NGEF: variants seen among roughly 807,000 people sequenced by gnomAD.
NGEF encodes the protein ephexin-1.
Under a neutral mutation model 80.9 loss-of-function variants are expected in NGEF, and 31 were observed. That is an observed-to-expected ratio of 0.38 (90% CI 0.29 to 0.52). NGEF has a LOEUF of 0.52. NGEF is among the 20% of genes least tolerant of loss of function. The pLI is 0.84. For missense variants in NGEF, 709 were observed against 926.2 expected (o/e 0.77, Z 3.04); for synonymous variants, 371 against 370.2 (o/e 1.00, Z -0.03).
intron 2 of NGEF, among the ~76,000 whole-genome samples, chr2:232,973,723 T>C (rs1487254965): frequency 2.0e-5 from 3 of 152,290 alleles, no homozygotes; most frequent in Non-Finnish European, 2.9e-5. Flanking sequence ...ACCAGCTGAC[T>C]GCAGAGGTTA....
chr2:233,000,770 A>C (rs868096211), intron 1 of NGEF, among the ~76,000 whole-genome samples: 10 of 151,698 alleles, frequency 6.6e-5, no homozygotes, highest in South Asian at 4.2e-4. Flanking sequence ...AAAAAAAAAA[A>C]AAAACGAAAA....
intron 1 of NGEF, among the ~76,000 whole-genome samples, chr2:233,012,033 G>A (rs983086106): frequency 6.6e-6 from 1 of 152,114 alleles, no homozygotes; most frequent in African/African-American, 2.4e-5. Context: ...CAGTGCCAAG[G>A]GGCAGCCTGA....
intron 5 of NGEF, among the ~76,000 whole-genome samples, chr2:232,903,326 T>C (rs914094024): frequency 1.3e-5 from 2 of 152,140 alleles, no homozygotes; most frequent in Non-Finnish European, 2.9e-5. Flanking sequence ...TTATGGAACA[T>C]CTAAACAGTG....
chr2:233,010,569 C>T (rs1197149510), intron 1 of NGEF, among the ~76,000 whole-genome samples: 1 of 149,092 alleles, frequency 6.7e-6, no homozygotes, highest in Non-Finnish European at 1.5e-5. Flanking sequence ...CTCATTTGAA[C>T]GTGTGATTTT....
Position 232,987,300 on chromosome 2 carries a change from T to G in NGEF, c.-74-12336A>C, listed in dbSNP as rs140921505. Among the ~76,000 whole-genome samples, 350 of 152,166 alleles carry G rather than the reference T, an allele frequency of 2.3e-3. 4 individuals are homozygous for G. Among genetic ancestry groups the G allele is most frequent in the East Asian group, 0.021 (108 of 5,166 alleles). ...CCCAAAGTGCTGAGATTACAGGCAT[T>G]AGACACCGTGCCTGGCCAGAGCAGG... On this transcript the variant is annotated intron_variant, in intron 1 of 14. Coordinates refer to ENST00000264051, the MANE Select transcript of NGEF (RefSeq NM_019850.3).
chr2:232,887,508 G>A (rs1440937148), intron 9 of NGEF, among the ~76,000 whole-genome samples: 3 of 152,198 alleles, frequency 2.0e-5, no homozygotes, highest in Non-Finnish European at 4.4e-5. Context: ...TGGGAGAGTG[G>A]CGTGGAGGGC....
intron 5 of NGEF, among the ~76,000 whole-genome samples, chr2:232,910,325 C>T (rs1378408161): frequency 6.6e-6 from 1 of 152,110 alleles, no homozygotes; most frequent in Non-Finnish European, 1.5e-5. Flanking sequence ...AAGGAGCGCA[C>T]AACCTAGATC....
In NGEF at chr2:232,883,407, T is replaced by C; in HGVS notation, c.1661A>G (p.Glu554Gly). ...PRGLLRVEELEDQGQTLANVF... is the reference protein window; with the variant it reads ...PRGLLRVEELGDQGQTLANVF... Reference sequence around the variant, plus strand: ...GTTGGCCAGCGTCTGGCCCTGGTCCTCCAGCTCCTCCACACGCAGCAGTCC... The same window carrying C: ...GTTGGCCAGCGTCTGGCCCTGGTCCCCCAGCTCCTCCACACGCAGCAGTCC... Residue 554 changes from glutamate (E) to glycine (G), a missense_variant, in exon 12 of 15, where the codon GAG becomes GGG. This residue lies in a region of NGEF where 426 missense variants were observed against 622.9 expected (regional missense o/e 0.68). Transcript: ENST00000264051. 1 of 1,611,242 alleles carries C rather than the reference T, an allele frequency of 6.2e-7. No individual in the cohort carries two copies. The highest frequency in any genetic ancestry group is 8.5e-7 in the Non-Finnish European group (1 of 1,178,924).
chr2:232,977,820 A>T (rs570282495), intron 1 of NGEF, among the ~76,000 whole-genome samples: 2 of 152,322 alleles, frequency 1.3e-5, no homozygotes, highest in East Asian at 3.9e-4. Context: ...GATGGCACAC[A>T]GGTGAGTACC....
intron 3 of NGEF, among the ~76,000 whole-genome samples, chr2:232,943,526 C>G (rs1018072014): frequency 3.5e-5 from 5 of 142,530 alleles, no homozygotes; most frequent in Non-Finnish European, 7.6e-5. Context: ...GACGGAGTCT[C>G]ACTCTGTCGC....
At chr2:232,920,195 A>G in intron 5 of NGEF, 89 bp downstream of exon 5, 1 of 1,272,914 alleles carries the variant, frequency 7.9e-7, no homozygotes. Flanking sequence ...CAGCCAGGGA[A>G]CCTCACCCCC....
intron 9 of NGEF, among the ~76,000 whole-genome samples, chr2:232,886,320 G>C (rs1423883486): frequency 1.3e-5 from 2 of 151,668 alleles, no homozygotes; most frequent in Admixed American, 1.3e-4. Context: ...GGTATGTGCT[G>C]TGTGTGTGTG....
rs368019241 is a variant in NGEF at position 232,970,283 on chromosome 2, T to C, written c.314A>G (p.Asn105Ser). The C allele has an allele frequency of 4.4e-6, 7 of 1,605,416 alleles. No homozygotes were observed. The African/African-American group carries it at 9.4e-5, about 22-fold the overall frequency. ...AGGAGGCATTCTGCTCCAGGGGATA[T>C]TCAAGGTCAGGGGCTCATTTACAGA... ...GKSVNEPLTL[N>S]IPWSRMPPCR... The change falls in exon 3 of 15, where the codon AAT becomes AGT. Residue 105 changes from asparagine (N) to serine (S), a missense_variant. Physicochemically the swap from Asn to Ser is conservative, Grantham distance 46. Coordinates refer to ENST00000264051, the MANE Select transcript of NGEF (RefSeq NM_019850.3).
At chr2:232,957,834 C>T (rs530809118) in intron 3 of NGEF, among the ~76,000 whole-genome samples, 2 of 152,182 alleles carry the variant, frequency 1.3e-5, no homozygotes, top group African/African-American at 4.8e-5. Context: ...GCCCAGTCAT[C>T]TCTCCATGGA....
intron 1 of NGEF, among the ~76,000 whole-genome samples, chr2:233,011,022 A>G (rs73995791): frequency 0.032 from 4,898 of 152,172 alleles, 258 homozygotes; most frequent in African/African-American, 0.11. Flanking sequence ...AGGCTCAGAG[A>G]TGGAACCCCC....
rs771268988 is a variant in NGEF at position 232,879,521 on chromosome 2, G to A, written c.2101C>T (p.Arg701Cys). ...CGATTCCGGCTGCCCAGCTTCCTGC[G>A]GTCCTTGTTCTGGCTGCGCTGAGGG... The part of the protein sequence containing the change: ...DDPQRSQNKD[R>C]RKLGSRNRQ Residue 701 changes from arginine (R) to cysteine (C), a missense_variant, in exon 15 of 15, where the codon CGC becomes TGC. Transcript: ENST00000264051. 4 of 1,611,670 alleles carry A rather than the reference G, an allele frequency of 2.5e-6. No individual in the cohort carries two copies. The highest frequency in any genetic ancestry group is 1.7e-5 in the Admixed American group (1 of 59,970).
Position 232,892,987 on chromosome 2 carries a change from A to G in NGEF, c.1053T>C (p.Ile351=), listed in dbSNP as rs895432. Residue 351 remains isoleucine, a synonymous_variant, in exon 7 of 15, where the codon ATT becomes ATC. Transcript: ENST00000264051. The surrounding 1 kb of genome is among the most constrained non-coding windows in gnomAD (Gnocchi z 4.0). ...AGTGGTCGGCCGCATAACGGTACAC[A>G]ATGTCACACACGTCAGAGATGACGA... The part of the protein sequence containing the change: ...ENIVISDVCD[I]VYRYAADHFS... The G allele has an allele frequency of 0.95, 1,536,313 of 1,613,308 alleles. 731,888 individuals are homozygous for G. Among genetic ancestry groups the G allele is most frequent in the African/African-American group, 0.99 (74,385 of 75,050 alleles).
intron 1 of NGEF, among the ~76,000 whole-genome samples, chr2:233,008,941 C>T (rs972816943): frequency 3.9e-5 from 6 of 152,050 alleles, no homozygotes. Flanking sequence ...GCTGGGATTA[C>T]AGGTGCCACT....
chr2:232,891,410 G>A lies in NGEF; in HGVS notation c.1220C>T (p.Ser407Phe). 1.2e-6 allele frequency: 2 copies of A among 1,613,624 alleles called. No individual in the cohort carries two copies. Among genetic ancestry groups the A allele is most frequent in the Non-Finnish European group, 1.7e-6 (2 of 1,179,982 alleles). Residue 407 changes from serine (S) to phenylalanine (F), a missense_variant, in exon 8 of 15, where the codon TCC becomes TTC. By Grantham distance (155) the Ser-to-Phe change is radical (BLOSUM62 -2). This residue lies in a region of NGEF where 426 missense variants were observed against 622.9 expected (regional missense o/e 0.68). Coordinates refer to ENST00000264051, the MANE Select transcript of NGEF (RefSeq NM_019850.3). Reference sequence around the variant, plus strand: ...CCTCTGGAAAGGCAGGATGAGGAAGGAGGAGAAGGGCAGCCCCCTGCACTT... The same window carrying A: ...CCTCTGGAAAGGCAGGATGAGGAAGAAGGAGAAGGGCAGCCCCCTGCACTT... ...DPKCRGLPFS[S>F]FLILPFQRIT... is the part of the protein sequence containing the mutation.
Sources: allele counts gnomAD v4.1 joint callset (sites outside exome capture counted in the v4.1 genomes callset), GRCh38; gene constraint gnomAD v4.1.1; regional missense constraint gnomAD v4.1.1; non-coding constraint Gnocchi (gnomAD v3.1); transcripts MANE v1.5; gene names NCBI Gene and HGNC (gene_info 2026-07-23, HGNC 2026-07-21).